Variants in PPP1R12B observed in about 807,000 individuals in gnomAD.
The protein encoded by PPP1R12B is myosin phosphatase target subunit 2.
Under a neutral mutation model 126.1 loss-of-function variants are expected in PPP1R12B, and 76 were observed. That is an observed-to-expected ratio of 0.60 (90% CI 0.50 to 0.73). The LOEUF (loss-of-function observed/expected upper bound fraction) is 0.73. Ranked by LOEUF, PPP1R12B falls within the 30% of genes least tolerant of loss-of-function variation. The probability of loss-of-function intolerance (pLI) is 0.00; values close to 1 mark genes in which losing one functional copy is unlikely to be tolerated. For missense variants in PPP1R12B, 1,052 were observed against 1,205.1 expected (o/e 0.87, Z 1.88); for synonymous variants, 356 against 434.7 (o/e 0.82, Z 2.25).
chr1:202,366,103 A>T (rs1659181437), intron 1 of PPP1R12B, among the ~76,000 whole-genome samples: 1 of 152,042 alleles, frequency 6.6e-6, no homozygotes, highest in African/African-American at 2.4e-5. Flanking sequence ...TTCTGCACCT[A>T]CTCAGTGTGA....
intron 1 of PPP1R12B, among the ~76,000 whole-genome samples, chr1:202,380,767 A>C (rs1042037877): frequency 6.6e-6 from 1 of 152,186 alleles, no homozygotes; most frequent in African/African-American, 2.4e-5. Context: ...CTTGTACCAA[A>C]CAAATGATTG....
chr1:202,480,692 T>A (rs1457062439), intron 13 of PPP1R12B, among the ~76,000 whole-genome samples: 1 of 152,208 alleles, frequency 6.6e-6, no homozygotes. Flanking sequence ...TATTAAATAA[T>A]TTATTTTTAC....
intron 13 of PPP1R12B, among the ~76,000 whole-genome samples, chr1:202,451,966 G>A (rs1216512581): frequency 6.0e-5 from 9 of 150,758 alleles, no homozygotes; most frequent in Admixed American, 2.6e-4. Context: ...GCTGCTGGGC[G>A]GAGGGGCTCC....
chr1:202,434,718 C>A lies in PPP1R12B; in HGVS notation c.1204C>A (p.Gln402Lys). 1 of 1,613,900 alleles carries A rather than the reference C, an allele frequency of 6.2e-7. No individual in the cohort carries two copies. Among genetic ancestry groups the A allele is most frequent in the Non-Finnish European group, 8.5e-7 (1 of 1,179,948 alleles). The stretch of plus-strand genomic sequence containing the variant: ...TGAAAGCAAGAGTAGTATCACAGAG[C>A]AGATACCAGCACCAGCTCAAAATAC... ...NSESKSSITE[Q>K]IPAPAQNTFS... The change falls in exon 9 of 24, where the codon CAG becomes AAG. Residue 402 changes from glutamine (Q) to lysine (K), a missense_variant. Coordinates refer to ENST00000608999, the MANE Select transcript of PPP1R12B (RefSeq NM_002481.4).
chr1:202,424,216 T>C, intron 3 of PPP1R12B, among the ~76,000 whole-genome samples: 1 of 152,226 alleles, frequency 6.6e-6, no homozygotes, highest in East Asian at 1.9e-4. Context: ...CCAGCACTGC[T>C]AACACTTCTT....
In PPP1R12B at chr1:202,541,167, G is replaced by T. The variant is rs190822588; in HGVS notation, c.2491-17710G>T. Among the ~76,000 whole-genome samples the T allele has an allele frequency of 3.8e-3, 584 of 152,168 alleles. 2 individuals are homozygous for T. The highest frequency in any genetic ancestry group is 0.013 in the African/African-American group (555 of 41,508). On this transcript the variant is annotated intron_variant, in intron 18 of 23. Transcript: ENST00000608999. ...CAGAGTAAGAAGAAGGACGGCCATA[G>T]CTTCCTTATTTAGGGAGCTATGGGG...
chr1:202,545,318 A>G (rs1685537676), intron 18 of PPP1R12B, among the ~76,000 whole-genome samples: 1 of 152,218 alleles, frequency 6.6e-6, no homozygotes, highest in African/African-American at 2.4e-5. Context: ...TCCCATTTGG[A>G]CCCATTACAT....
chr1:202,422,762 C>A, intron 3 of PPP1R12B, 24 bp downstream of exon 3: 1 of 1,612,164 alleles, frequency 6.2e-7, no homozygotes, highest in Non-Finnish European at 8.5e-7. Context: ...TTGGAGGGGG[C>A]CAGGAAAGAT....
At chr1:202,452,905 C>T (rs1673188740) in intron 13 of PPP1R12B, among the ~76,000 whole-genome samples, 1 of 151,602 alleles carries the variant, frequency 6.6e-6, no homozygotes, top group Non-Finnish European at 1.5e-5. Context: ...GGGGTCAAGC[C>T]ATTTTCCCAC....
At chr1:202,503,414 A>T (rs1316150902) in intron 18 of PPP1R12B, among the ~76,000 whole-genome samples, 3 of 152,216 alleles carry the variant, frequency 2.0e-5, no homozygotes, top group Admixed American at 2.0e-4. Context: ...TGTTAAATCT[A>T]ATAGGTCTGA....
intron 18 of PPP1R12B, among the ~76,000 whole-genome samples, chr1:202,498,636 A>C (rs766351558): frequency 6.6e-6 from 1 of 152,236 alleles, no homozygotes; most frequent in African/African-American, 2.4e-5. Flanking sequence ...ACAGAGCCAC[A>C]TGCCTGGTCA....
At position 202,492,729 on chromosome 1, in the gene PPP1R12B, A is replaced by G. The variant is rs1369538960; in HGVS notation, c.1942-385A>G. On this transcript the variant is annotated intron_variant, in intron 14 of 23. Coordinates refer to ENST00000608999, the MANE Select transcript of PPP1R12B (RefSeq NM_002481.4). ...TTTTTTTAAGTGAATATTTTTCCCCAGTATCTGCTGTTTAGGAAATCTCTG... is the reference window on the plus strand; with the variant it reads ...TTTTTTTAAGTGAATATTTTTCCCCGGTATCTGCTGTTTAGGAAATCTCTG... Among the ~76,000 whole-genome samples the G allele has an allele frequency of 2.6e-5, 4 of 152,224 alleles. No homozygotes were observed. In the South Asian group the frequency reaches 6.2e-4, roughly 24 times the overall value.
intron 1 of PPP1R12B, among the ~76,000 whole-genome samples, chr1:202,390,581 C>G (rs1366060150): frequency 4.6e-5 from 7 of 152,234 alleles, no homozygotes; most frequent in East Asian, 3.9e-4. Context: ...CCACTGTAAC[C>G]TCAAACTCCT....
intron 11 of PPP1R12B, among the ~76,000 whole-genome samples, chr1:202,441,420 C>T (rs957204611): frequency 6.6e-6 from 1 of 152,118 alleles, no homozygotes; most frequent in Non-Finnish European, 1.5e-5. Context: ...ACTTGCCCTC[C>T]CAAAGTGCTG....
chr1:202,579,152 G>A (rs1031401104), intron 23 of PPP1R12B, among the ~76,000 whole-genome samples: 1 of 152,148 alleles, frequency 6.6e-6, no homozygotes, highest in African/African-American at 2.4e-5. Flanking sequence ...AATTATTTAT[G>A]TATCTGTGAT....
At chr1:202,430,625 G>C in intron 6 of PPP1R12B, 106 bp from the exon 7 acceptor site, 1 of 1,180,138 alleles carries the variant, frequency 8.5e-7, no homozygotes, top group South Asian at 1.6e-5. Flanking sequence ...CTTTGGTGTT[G>C]GTCCTATTTT....
At chr1:202,386,434 C>T (rs1571745501) in intron 1 of PPP1R12B, among the ~76,000 whole-genome samples, 1 of 152,070 alleles carries the variant, frequency 6.6e-6, no homozygotes. Flanking sequence ...TGGGTTCACA[C>T]TATTCTCCTG....
At chr1:202,443,142 T>C in intron 12 of PPP1R12B, 1 of 976,826 alleles carries the variant, frequency 1.0e-6, no homozygotes, top group Non-Finnish European at 1.2e-6. Flanking sequence ...ATGGGTTTCC[T>C]TCTTTTCTCA....
intron 1 of PPP1R12B, among the ~76,000 whole-genome samples, chr1:202,373,093 C>A (rs1363159213): frequency 6.6e-6 from 1 of 151,974 alleles, no homozygotes; most frequent in Non-Finnish European, 1.5e-5. Flanking sequence ...CACCACCACG[C>A]CTGGCTAATT....
Sources: gnomAD v4.1 joint callset for allele counts (sites outside exome capture counted in the v4.1 genomes callset) on GRCh38, gnomAD v4.1.1 for gene constraint, MANE v1.5 for transcripts, NCBI Gene and HGNC (gene_info 2026-07-23, HGNC 2026-07-21) for gene names.